SCARB2: variants seen among roughly 807,000 people sequenced by gnomAD.
SCARB2 encodes the protein scavenger receptor class B member 2, also known as lysosome membrane protein 2.
Under a neutral mutation model 58.6 loss-of-function variants are expected in SCARB2, and 29 were observed. The observed-to-expected ratio is 0.49, with a 90% CI of 0.37 to 0.67. The LOEUF is 0.67. Among genes scored for constraint, SCARB2 ranks in the 30% least tolerant of loss-of-function variants. SCARB2 has a pLI of 0.00. For missense variants in SCARB2, 488 were observed against 578.5 expected (o/e 0.84, Z 1.60); for synonymous variants, 195 against 210.1 (o/e 0.93, Z 0.62).
Position 76,163,402 on chromosome 4 carries a change from A to G in SCARB2, c.1240-19T>C, listed in dbSNP as rs1277365103. ...GAACACTCTGGAGAGGCAAGAAAAT[A>G]GTATTCTTGATGACTAAACATCCAG... On this transcript the variant is annotated intron_variant, in intron 10 of 11. Transcript: ENST00000264896. 5 of 1,613,876 alleles carry G rather than the reference A, an allele frequency of 3.1e-6. No individual in the cohort carries two copies. The highest frequency in any genetic ancestry group is 1.1e-5 in the South Asian group (1 of 91,074).
At chr4:76,173,329 T>G (rs887717798) in intron 7 of SCARB2, 8 of 2,132 alleles carry the variant, frequency 3.8e-3, no homozygotes, top group African/African-American at 6.4e-3. Flanking sequence ...TTCTTTTAGC[T>G]TTTTTTTTTT....
At chr4:76,168,988 G>C (rs1732070368) in intron 8 of SCARB2, among the ~76,000 whole-genome samples, 1 of 152,168 alleles carries the variant, frequency 6.6e-6, no homozygotes, top group East Asian at 1.9e-4. Flanking sequence ...CTCCATCTTT[G>C]CACTAAGGTT....
chr4:76,187,795 G>A (rs1358892455), intron 2 of SCARB2, among the ~76,000 whole-genome samples: 1 of 151,854 alleles, frequency 6.6e-6, no homozygotes, highest in Non-Finnish European at 1.5e-5. Flanking sequence ...GATCTTTAGT[G>A]ATTATATATA....
At chr4:76,175,478 A>AT in intron 6 of SCARB2, 1 of 376,598 alleles carries the variant, frequency 2.7e-6, no homozygotes, top group Non-Finnish European at 5.1e-6. Context: ...ATTTGTCCTC[A>AT]TAACAACCTC....
Position 76,168,485 on chromosome 4 carries a change from C to T in SCARB2, c.1114-9G>A. The T allele has an allele frequency of 6.2e-7, 1 of 1,612,458 alleles. No homozygotes were observed. The highest frequency in any genetic ancestry group is 1.1e-5 in the South Asian group (1 of 91,040). On this transcript the variant is annotated splice_polypyrimidine_tract_variant and intron_variant, in intron 8 of 11. Coordinates refer to ENST00000264896, the MANE Select transcript of SCARB2 (RefSeq NM_005506.4). ...AGGATTATTCCAGTCAACTGCAAATCAGAGAAGTGAAAAGGAAACATTAGG... is the reference window on the plus strand; with the variant it reads ...AGGATTATTCCAGTCAACTGCAAATTAGAGAAGTGAAAAGGAAACATTAGG...
chr4:76,181,218 T>C (rs1217342032), intron 2 of SCARB2, 117 bp from the exon 3 acceptor site: 3 of 1,020,844 alleles, frequency 2.9e-6, no homozygotes, highest in East Asian at 2.5e-5. Flanking sequence ...TATAACATTA[T>C]ATAGAGACTG....
At chr4:76,223,739 A>G (rs1221706576) in intron 1 of SCARB2, among the ~76,000 whole-genome samples, 3 of 152,214 alleles carry the variant, frequency 2.0e-5, no homozygotes, top group Non-Finnish European at 2.9e-5. Context: ...AGGCCCAGTC[A>G]CAAGTGTGCT....
At chr4:76,183,795 C>T (rs984253046) in intron 2 of SCARB2, among the ~76,000 whole-genome samples, 6 of 152,206 alleles carry the variant, frequency 3.9e-5, no homozygotes, top group Non-Finnish European at 8.8e-5. Context: ...AGCTCCCATC[C>T]AGGAGCCATA....
At chr4:76,184,229 T>A (rs746028503) in intron 2 of SCARB2, among the ~76,000 whole-genome samples, 1 of 152,170 alleles carries the variant, frequency 6.6e-6, no homozygotes, top group Non-Finnish European at 1.5e-5. Context: ...TAGCACAAGG[T>A]GCTCCTCTCT....
chr4:76,175,443 C>G (rs766961622), intron 6 of SCARB2: 5 of 337,088 alleles, frequency 1.5e-5, no homozygotes, highest in Non-Finnish European at 2.9e-5. Context: ...GGGCCCTGGG[C>G]TAAGTATTTG....
Position 76,213,796 on chromosome 4 carries a change from G to A in SCARB2, c.-253C>T. On this transcript the variant is annotated 5_prime_UTR_variant, in exon 1 of 12. Coordinates refer to ENST00000264896, the MANE Select transcript of SCARB2 (RefSeq NM_005506.4). ...TCGGTTTCCTTCGCCGGGCAGCCGT[G>A]GCGCCCGCCTAGCGCAGCTCGGGAG... 2.6e-6 allele frequency: 1 copy of A among 385,586 alleles called. No homozygotes were observed. The highest frequency in any genetic ancestry group is 5.1e-5 in the Admixed American group (1 of 19,638). The allele number at this position is 385,586 out of a possible 1,614,324, so 23.9% of individuals were successfully genotyped here.
chr4:76,183,964 T>C (rs1340499288), intron 2 of SCARB2, among the ~76,000 whole-genome samples: 1 of 152,246 alleles, frequency 6.6e-6, no homozygotes, highest in Admixed American at 6.5e-5. Context: ...GTCAAGTGTA[T>C]AGAAGGAAGC....
chr4:76,228,357 T>C (rs1251591917), intron 1 of SCARB2, among the ~76,000 whole-genome samples: 2 of 151,900 alleles, frequency 1.3e-5, no homozygotes, highest in Non-Finnish European at 1.5e-5. Context: ...TGCATGCCTG[T>C]AATCCCAGCT....
upstream of SCARB2, chr4:76,213,840 G>A (rs1733135316): frequency 4.4e-6 from 1 of 225,812 alleles, no homozygotes; most frequent in East Asian, 1.0e-4. Flanking sequence ...GAGCGCGCAG[G>A]GACGTGACGT....
intron 1 of SCARB2, 190 bp downstream of exon 1, chr4:76,213,235 CAG>C: frequency 1.6e-6 from 1 of 642,004 alleles, no homozygotes; most frequent in Non-Finnish European, 2.9e-6. Context: ...GTAAAGGGAA[CAG>C]AGTCGGCTCC....
chr4:76,203,861 T>G (rs1287321759), intron 1 of SCARB2, among the ~76,000 whole-genome samples: 1 of 152,150 alleles, frequency 6.6e-6, no homozygotes, highest in African/African-American at 2.4e-5. Context: ...CACTTCCAAG[T>G]GATAAAAATA....
intron 1 of SCARB2, among the ~76,000 whole-genome samples, chr4:76,229,695 A>T (rs764185705): frequency 6.6e-6 from 1 of 152,176 alleles, no homozygotes; most frequent in Non-Finnish European, 1.5e-5. Flanking sequence ...ATCCATCTTC[A>T]GGTTTCCCAG....
intron 7 of SCARB2, among the ~76,000 whole-genome samples, chr4:76,170,838 T>G (rs1732114089): frequency 1.3e-5 from 2 of 151,976 alleles, no homozygotes; most frequent in African/African-American, 4.8e-5. Context: ...TTTTTAAGAG[T>G]TAGCCTGGTT....
chr4:76,166,454 C>A, intron 9 of SCARB2, 153 bp from the exon 10 acceptor site: 1 of 770,468 alleles, frequency 1.3e-6, no homozygotes, highest in South Asian at 1.5e-5. Context: ...CAAACATGTA[C>A]CCCAAAAGTT....
Sources: allele counts gnomAD v4.1 joint callset (sites outside exome capture counted in the v4.1 genomes callset), GRCh38; gene constraint gnomAD v4.1.1; transcripts MANE v1.5; gene names NCBI Gene and HGNC (gene_info 2026-07-23, HGNC 2026-07-21).